Variants in PCDHGB4 observed in about 807,000 individuals in gnomAD.
PCDHGB4 encodes protocadherin gamma subfamily B, 4.
Under a neutral mutation model 60.5 loss-of-function variants are expected in PCDHGB4, and 38 were observed. The observed-to-expected ratio is 0.63, with a 90% CI of 0.48 to 0.82. PCDHGB4 has a LOEUF of 0.82. Among genes scored for constraint, PCDHGB4 ranks in the 40% least tolerant of loss-of-function variants. PCDHGB4 has a pLI of 0.00. For synonymous variants in PCDHGB4, 456 were observed against 509.7 expected, an observed-to-expected ratio of 0.89 and a Z score of 1.42; for missense variants, 1,109 against 1,209.6, an observed-to-expected ratio of 0.92 and a Z score of 1.23.
chr5:141,432,049 G>T lies in PCDHGB4; in HGVS notation c.2397+41768G>T. The T allele has an allele frequency of 7.4e-6, 12 of 1,614,150 alleles. No individual in the cohort carries two copies. Among genetic ancestry groups the T allele is most frequent in the Non-Finnish European group, 1.0e-5 (12 of 1,180,028 alleles). Reference sequence around the variant, plus strand: ...TGACCGCCACTGACCGGGGAACCCCGCCCCTATCCACGGAAACTCATATCT... The same window carrying T: ...TGACCGCCACTGACCGGGGAACCCCTCCCCTATCCACGGAAACTCATATCT... On this transcript the variant is annotated intron_variant, in intron 1 of 3. Coordinates refer to ENST00000519479, the MANE Select transcript of PCDHGB4 (RefSeq NM_003736.4). The surrounding 1 kb of genome is among the most constrained non-coding windows in gnomAD (Gnocchi z 6.0).
At chr5:141,417,129 T>C (rs887933624) in intron 1 of PCDHGB4, 2 of 152,218 alleles carry the variant, frequency 1.3e-5, no homozygotes, top group South Asian at 2.1e-4. Context: ...TGGATGATGG[T>C]AATGACTAGG....
At chr5:141,454,796 A>ATTTTTTTTTTTTTTTTTTTTTTTT (rs61612330) in intron 1 of PCDHGB4, among the ~76,000 whole-genome samples, 4 of 77,456 alleles carry the variant, frequency 5.2e-5, no homozygotes, top group Non-Finnish European at 9.3e-5. Flanking sequence ...CATGGTTCTA[A>ATTTTTTTTTTTTTTTTTTTTTTTT]TTTTTTTTTT....
chr5:141,413,227 G>T (rs552225139), intron 1 of PCDHGB4: 2 of 1,613,938 alleles, frequency 1.2e-6, no homozygotes, highest in South Asian at 2.2e-5. Flanking sequence ...CAGCGGGCTG[G>T]TCCTGCTCTG....
intron 1 of PCDHGB4, among the ~76,000 whole-genome samples, chr5:141,463,541 C>T (rs1423301726): frequency 2.7e-5 from 4 of 150,402 alleles, no homozygotes; most frequent in East Asian, 2.0e-4. Flanking sequence ...CTCCGGCTCC[C>T]GGGTTCATGC....
At chr5:141,403,960 G>A (rs775638627) in intron 1 of PCDHGB4, 10 of 1,613,658 alleles carry the variant, frequency 6.2e-6, no homozygotes, top group East Asian at 4.5e-5. Flanking sequence ...TGCTCATTTC[G>A]GTGGAAGATG....
At chr5:141,470,227 C>A (rs1387947362) in intron 1 of PCDHGB4, among the ~76,000 whole-genome samples, 1 of 152,160 alleles carries the variant, frequency 6.6e-6, no homozygotes, top group Non-Finnish European at 1.5e-5. Flanking sequence ...AGCTTCTTCA[C>A]CAAACCCTTG....
chr5:141,477,482 C>G lies in PCDHGB4; in HGVS notation c.2398-17325C>G, dbSNP rs1168724444. On this transcript the variant is annotated intron_variant, in intron 1 of 3. Transcript: ENST00000519479. This position sits in a 1 kb window ranked among gnomAD's most constrained non-coding sequence, Gnocchi z 4.9. ...GTCCGACATCAATGACAACCCTCCA[C>G]AATCTTCTCAATCTTCCTACGACGT... 1 of 1,614,118 alleles carries G rather than the reference C, an allele frequency of 6.2e-7. No individual in the cohort carries two copies. The highest frequency in any genetic ancestry group is 1.1e-5 in the South Asian group (1 of 91,074).
At chr5:141,412,936 A>T in intron 1 of PCDHGB4, 1 of 459,508 alleles carries the variant, frequency 2.2e-6, no homozygotes, top group African/African-American at 2.0e-5. Flanking sequence ...ACTTCTTAGG[A>T]CTCTGAGCGC....
intron 1 of PCDHGB4, among the ~76,000 whole-genome samples, chr5:141,482,757 T>G: frequency 7.9e-6 from 1 of 127,194 alleles, no homozygotes; most frequent in Admixed American, 7.7e-5. Flanking sequence ...GATTATGGTA[T>G]TTCATTATCA....
chr5:141,393,735 G>T, intron 1 of PCDHGB4: 1 of 1,613,858 alleles, frequency 6.2e-7, no homozygotes, highest in Non-Finnish European at 8.5e-7. Context: ...AAAAAGTCTA[G>T]ATTATGAAGA....
intron 1 of PCDHGB4, chr5:141,427,531 A>C: frequency 1.6e-6 from 1 of 620,632 alleles, no homozygotes. Flanking sequence ...ATCCCGGAGT[A>C]CAACGTCACC....
At chr5:141,422,434 T>C in intron 1 of PCDHGB4, 5 of 1,609,566 alleles carry the variant, frequency 3.1e-6, no homozygotes, top group Non-Finnish European at 3.4e-6. Context: ...TGGAAATTAT[T>C]ACAAATTGAT....
intron 1 of PCDHGB4, chr5:141,433,178 A>G: frequency 6.2e-7 from 1 of 1,608,316 alleles, no homozygotes. Context: ...TCATGGGTTA[A>G]TTGAGGTGAG....
chr5:141,425,812 G>GA (rs574320012), intron 1 of PCDHGB4, among the ~76,000 whole-genome samples: 9 of 152,054 alleles, frequency 5.9e-5, no homozygotes, highest in South Asian at 4.1e-4. Flanking sequence ...CTTCTGCTTA[G>GA]AAAAAAACAA....
chr5:141,427,504 C>A (rs755936092), intron 1 of PCDHGB4: 8 of 579,302 alleles, frequency 1.4e-5, no homozygotes, highest in Middle Eastern at 2.7e-4. Context: ...ACAGATGGGA[C>A]CCTGGATTGG....
At chr5:141,409,276 G>A (rs1458443407) in intron 1 of PCDHGB4, 5 of 1,613,882 alleles carry the variant, frequency 3.1e-6, no homozygotes, top group African/African-American at 2.7e-5. Context: ...AGATTTTGGA[G>A]AATTCACCTC....
At chr5:141,391,707 C>T (rs1004180070) in intron 1 of PCDHGB4, 1 of 152,154 alleles carries the variant, frequency 6.6e-6, no homozygotes, top group African/African-American at 2.4e-5. Context: ...CCAGGCTGGT[C>T]TTGAAGGGAA....
intron 1 of PCDHGB4, chr5:141,424,664 A>T (rs923488035): frequency 6.6e-6 from 1 of 152,124 alleles, no homozygotes; most frequent in African/African-American, 2.4e-5. Flanking sequence ...CTTTAATTAA[A>T]CTGATTTAGC....
At chr5:141,473,450 T>A (rs2099322542) in intron 1 of PCDHGB4, among the ~76,000 whole-genome samples, 2 of 152,150 alleles carry the variant, frequency 1.3e-5, no homozygotes, top group South Asian at 4.1e-4. Flanking sequence ...AAAATAATTA[T>A]AAAATTTAAA....
Sources: gnomAD v4.1 joint callset for allele counts (sites outside exome capture counted in the v4.1 genomes callset) on GRCh38, gnomAD v4.1.1 for gene constraint, Gnocchi (gnomAD v3.1) non-coding constraint, MANE v1.5 for transcripts, NCBI Gene and HGNC (gene_info 2026-07-23, HGNC 2026-07-21) for gene names.